Variants in AGBL4 observed in about 807,000 individuals in gnomAD.
AGBL4 encodes the protein cytosolic carboxypeptidase 6.
AGBL4 carries 58 observed loss-of-function variants against 66.4 expected under a neutral mutation model. The ratio of observed to expected loss-of-function variants is 0.87; its 90% CI spans 0.71 to 1.09. AGBL4 has a LOEUF of 1.09. Ranked by LOEUF, AGBL4 falls within the 50% of genes least tolerant of loss-of-function variation. AGBL4 has a pLI of 0.00. For synonymous variants in AGBL4, 234 were observed against 222.9 expected (o/e 1.05, Z -0.44); for missense variants, 579 against 631.0 (o/e 0.92, Z 0.88).
At chr1:49,894,961 ATTAAT>A (rs1484936501) in intron 1 of AGBL4, among the ~76,000 whole-genome samples, 1 of 152,148 alleles carries the variant, frequency 6.6e-6, no homozygotes, top group Non-Finnish European at 1.5e-5. Flanking sequence ...TGCCAAGGCA[ATTAAT>A]AATCAAACTC....
intron 8 of AGBL4, among the ~76,000 whole-genome samples, chr1:48,636,692 A>G (rs988440367): frequency 1.3e-5 from 2 of 152,202 alleles, no homozygotes; most frequent in Non-Finnish European, 2.9e-5. Context: ...ACGTATTGCT[A>G]CTCATGAAAG....
At chr1:49,767,400 T>C (rs1643913634) in intron 2 of AGBL4, among the ~76,000 whole-genome samples, 3 of 151,972 alleles carry the variant, frequency 2.0e-5, no homozygotes, top group African/African-American at 4.8e-5. Flanking sequence ...AAAAAAATTA[T>C]GTGAAATAGA....
intron 2 of AGBL4, among the ~76,000 whole-genome samples, chr1:49,798,518 C>T (rs1003187705): frequency 6.6e-6 from 1 of 152,140 alleles, no homozygotes; most frequent in African/African-American, 2.4e-5. Flanking sequence ...AAAGATAAAA[C>T]ATAAAATGCC....
chr1:49,581,436 G>C (rs772435644), intron 3 of AGBL4, among the ~76,000 whole-genome samples: 17 of 152,068 alleles, frequency 1.1e-4, no homozygotes, highest in Non-Finnish European at 2.1e-4. Context: ...TCCTGTGTCT[G>C]TATGTCAATT....
chr1:49,741,801 A>G (rs971560410), intron 2 of AGBL4, among the ~76,000 whole-genome samples: 26 of 152,258 alleles, frequency 1.7e-4, no homozygotes, highest in African/African-American at 5.8e-4. Context: ...GACAAAAACC[A>G]TATGATTATC....
chr1:48,757,822 C>T (rs1391979867), intron 6 of AGBL4, among the ~76,000 whole-genome samples: 4 of 152,264 alleles, frequency 2.6e-5, no homozygotes, highest in East Asian at 3.9e-4. Flanking sequence ...GGGGATATTT[C>T]TAGACTAGAT....
rs139433188 is a variant in AGBL4, at chr1:49,052,501, C to G, written c.378-6701G>C. On this transcript the variant is annotated intron_variant, in intron 4 of 13. Transcript: ENST00000371839. ...GTGGTTACTAAAAAGCATCCTGTAT[C>G]CTTCTTAGGGTTGTTGTGAAACTCT... Among the ~76,000 whole-genome samples the G allele has an allele frequency of 4.1e-3, 631 of 152,252 alleles. 4 individuals carry two copies. Among genetic ancestry groups the G allele is most frequent in the South Asian group, 0.011 (53 of 4,820 alleles).
At chr1:49,944,092 C>A (rs937204737) in intron 1 of AGBL4, among the ~76,000 whole-genome samples, 3 of 152,036 alleles carry the variant, frequency 2.0e-5, no homozygotes, top group Non-Finnish European at 4.4e-5. Context: ...GCACTGCCCC[C>A]ACCTGATGGT....
At chr1:48,852,721 A>T (rs1159562714) in intron 6 of AGBL4, among the ~76,000 whole-genome samples, 1 of 152,216 alleles carries the variant, frequency 6.6e-6, no homozygotes, top group East Asian at 1.9e-4. Context: ...CTGTTTATTC[A>T]TGGAAAAAAT....
intron 6 of AGBL4, among the ~76,000 whole-genome samples, chr1:48,762,215 G>A (rs1256570199): frequency 1.3e-5 from 2 of 152,162 alleles, no homozygotes; most frequent in African/African-American, 2.4e-5. Context: ...CTGCTTACGT[G>A]TGCTCACGAC....
chr1:49,087,184 C>T (rs920224858), intron 4 of AGBL4, among the ~76,000 whole-genome samples: 1 of 152,186 alleles, frequency 6.6e-6, no homozygotes, highest in Non-Finnish European at 1.5e-5. Context: ...GCCAGAGTGT[C>T]TTCTTACCTC....
At chr1:49,006,321 G>T (rs1409222772) in intron 5 of AGBL4, among the ~76,000 whole-genome samples, 1 of 152,114 alleles carries the variant, frequency 6.6e-6, no homozygotes. Flanking sequence ...TTTCCAACGG[G>T]CTTAAAAAAC....
intron 4 of AGBL4, among the ~76,000 whole-genome samples, chr1:49,210,586 A>C (rs149120151): frequency 5.5e-4 from 84 of 152,212 alleles, no homozygotes; most frequent in Non-Finnish European, 9.1e-4. Flanking sequence ...TTAGATAAAG[A>C]TGTTTTAGAA....
chr1:49,513,336 T>C (rs1436385897), intron 3 of AGBL4, among the ~76,000 whole-genome samples: 2 of 151,972 alleles, frequency 1.3e-5, no homozygotes, highest in Non-Finnish European at 2.9e-5. Flanking sequence ...CATAGGAATA[T>C]TGCATGATGC....
At chr1:48,763,497 A>G (rs544497106) in intron 6 of AGBL4, among the ~76,000 whole-genome samples, 1 of 152,116 alleles carries the variant, frequency 6.6e-6, no homozygotes, top group African/African-American at 2.4e-5. Context: ...TGTGTGTGAA[A>G]AAAACAGACA....
intron 6 of AGBL4, among the ~76,000 whole-genome samples, chr1:48,734,414 T>C (rs1648676961): frequency 6.6e-6 from 1 of 152,192 alleles, no homozygotes; most frequent in South Asian, 2.1e-4. Flanking sequence ...CAGCAGCATC[T>C]CTCACCAAGA....
intron 2 of AGBL4, among the ~76,000 whole-genome samples, chr1:49,822,338 T>TGC (rs1333947583): frequency 1.3e-5 from 2 of 152,052 alleles, no homozygotes; most frequent in Non-Finnish European, 2.9e-5. Context: ...TGTGTGTGTG[T>TGC]GTTTGTGTGA....
intron 7 of AGBL4, among the ~76,000 whole-genome samples, chr1:48,657,114 A>G (rs1237688778): frequency 6.6e-6 from 1 of 152,194 alleles, no homozygotes; most frequent in Non-Finnish European, 1.5e-5. Context: ...AAACTGGACA[A>G]TCTGGGTTTG....
At chr1:49,049,049 A>G (rs979914959) in intron 4 of AGBL4, among the ~76,000 whole-genome samples, 2 of 152,116 alleles carry the variant, frequency 1.3e-5, no homozygotes, top group Admixed American at 1.3e-4. Context: ...TTGGCCCACA[A>G]GGCTTCCTGT....
Sources: allele counts gnomAD v4.1 joint callset (sites outside exome capture counted in the v4.1 genomes callset), GRCh38; gene constraint gnomAD v4.1.1; transcripts MANE v1.5; gene names NCBI Gene and HGNC (gene_info 2026-07-23, HGNC 2026-07-21).